Variants in AGO2 observed in about 807,000 individuals in gnomAD.
AGO2 encodes protein argonaute-2.
AGO2 carries 5 observed loss-of-function variants against 102.3 expected under a neutral mutation model. That is an observed-to-expected ratio of 0.05 (90% CI 0.03 to 0.10). The LOEUF (loss-of-function observed/expected upper bound fraction) is 0.10, where lower values mean the gene tolerates loss of function less well. Among genes scored for constraint, AGO2 ranks in the 10% least tolerant of loss-of-function variants. The pLI is 1.00. For synonymous variants in AGO2, 449 were observed against 473.1 expected, an observed-to-expected ratio of 0.95 and a Z score of 0.66; for missense variants, 541 against 1,183.7, an observed-to-expected ratio of 0.46 and a Z score of 7.97.
intron 3 of AGO2, among the ~76,000 whole-genome samples, chr8:140,565,197 T>C (rs2132953247): frequency 6.6e-6 from 1 of 151,944 alleles, no homozygotes; most frequent in East Asian, 1.9e-4. Context: ...CCCAGCACTT[T>C]GGGAGGCTGA....
At position 140,549,195 on chromosome 8, in the gene AGO2, G is replaced by T; in HGVS notation, c.1507C>A (p.Pro503Thr). ...KYAQGADSVE[P>T]MFRHLKNTYA... ...GTGTTCTTCAGGTGCCGGAACATGG[G>T]CTCCACGCTGTCCGCCCCCTGCGCG... The change falls in exon 12 of 19, where the codon CCC becomes ACC. Residue 503 changes from proline (P) to threonine (T), a missense_variant. By Grantham distance (38) the Pro-to-Thr change is conservative (BLOSUM62 -1). Coordinates refer to ENST00000220592, the MANE Select transcript of AGO2 (RefSeq NM_012154.5). 6.2e-7 allele frequency: 1 copy of T among 1,613,790 alleles called. No individual in the cohort carries two copies. Among genetic ancestry groups the T allele is most frequent in the Non-Finnish European group, 8.5e-7 (1 of 1,179,954 alleles).
rs1194181977 is a variant in AGO2 at position 140,585,087 on chromosome 8, T to C, written c.215+32A>G. On this transcript the variant is annotated intron_variant, in intron 2 of 18. Coordinates refer to ENST00000220592, the MANE Select transcript of AGO2 (RefSeq NM_012154.5). The stretch of plus-strand genomic sequence containing the variant: ...TGCCGTGTCTGTCCGCGCAGACCAC[T>C]TACACAGGTCATGAAGGATGAAACG... 6 of 1,601,140 alleles carry C rather than the reference T, an allele frequency of 3.7e-6. No homozygotes were observed. The Admixed American group carries it at 5.0e-5, about 13-fold the overall frequency.
chr8:140,636,567 T>C (rs1289839012), upstream of AGO2: 2 of 152,298 alleles, frequency 1.3e-5, no homozygotes, highest in Non-Finnish European at 2.9e-5. Context: ...GCATCGGCTG[T>C]CTGCATATGG....
At chr8:140,553,272 A>G (rs899690100) in intron 10 of AGO2, among the ~76,000 whole-genome samples, 1 of 151,946 alleles carries the variant, frequency 6.6e-6, no homozygotes, top group Non-Finnish European at 1.5e-5. Flanking sequence ...TGGTCCCAGC[A>G]ATTCGAGAGG....
At chr8:140,586,871 C>T (rs78796470) in intron 1 of AGO2, among the ~76,000 whole-genome samples, 3,141 of 152,234 alleles carry the variant, frequency 0.021, 74 homozygotes, top group East Asian at 0.068. Context: ...ATTTCAGGGT[C>T]GGGCACGCTC....
chr8:140,541,715 C>T (rs940919851), intron 14 of AGO2, among the ~76,000 whole-genome samples: 1 of 152,150 alleles, frequency 6.6e-6, no homozygotes, highest in Middle Eastern at 3.4e-3. Flanking sequence ...CCAGCCTGGC[C>T]AACATGGTAA....
chr8:140,630,797 G>A (rs548177761), intron 1 of AGO2, among the ~76,000 whole-genome samples: 1 of 152,316 alleles, frequency 6.6e-6, no homozygotes, highest in East Asian at 1.9e-4. Flanking sequence ...ACCACAAAAA[G>A]GATTCTGCTG....
chr8:140,611,326 C>CTT (rs1483276540), intron 1 of AGO2, among the ~76,000 whole-genome samples: 1 of 130,842 alleles, frequency 7.6e-6, no homozygotes, highest in African/African-American at 2.6e-5. Context: ...ACTCTTAAGC[C>CTT]TTTGTTTTTT....
intron 2 of AGO2, among the ~76,000 whole-genome samples, chr8:140,582,998 C>T (rs1195694562): frequency 2.0e-5 from 3 of 152,156 alleles, no homozygotes; most frequent in Admixed American, 2.0e-4. Flanking sequence ...GAGGAGACTG[C>T]GTGTTAGTCA....
At chr8:140,616,192 C>T (rs2074141121) in intron 1 of AGO2, among the ~76,000 whole-genome samples, 1 of 152,214 alleles carries the variant, frequency 6.6e-6, no homozygotes, top group Non-Finnish European at 1.5e-5. Context: ...CCCATCTGTA[C>T]CCTGCTTTAT....
chr8:140,605,286 A>G (rs79972370), intron 1 of AGO2, among the ~76,000 whole-genome samples: 1 of 152,158 alleles, frequency 6.6e-6, no homozygotes, highest in African/African-American at 2.4e-5. Flanking sequence ...CGGTAGAGAC[A>G]GGGTTTCACC....
chr8:140,562,187 C>T (rs1452072449), intron 4 of AGO2, among the ~76,000 whole-genome samples: 1 of 152,238 alleles, frequency 6.6e-6, no homozygotes, highest in Non-Finnish European at 1.5e-5. Flanking sequence ...GTGCAGAGGG[C>T]TGCGCGGAAC....
chr8:140,555,812 G>T, intron 10 of AGO2, 84 bp downstream of exon 10: 1 of 1,510,348 alleles, frequency 6.6e-7, no homozygotes. Context: ...AGTCTACACC[G>T]CGGGCGATAG....
At position 140,521,560 on chromosome 8, in the gene AGO2, G is replaced by A. The variant is rs533516548; in HGVS notation, c.*10484C>T. 1 of 152,268 alleles carries A rather than the reference G, an allele frequency of 6.6e-6. No homozygotes were observed. Among genetic ancestry groups the A allele is most frequent in the South Asian group, 2.1e-4 (1 of 4,824 alleles). 9.4% of individuals were successfully genotyped at this position (152,268 alleles called of 1,614,324 possible). On this transcript the variant is annotated 3_prime_UTR_variant, in exon 19 of 19. Coordinates refer to ENST00000220592, the MANE Select transcript of AGO2 (RefSeq NM_012154.5). ...CCAAAGAATTAAGTAAAAAAAGATCGCCATAGTAGGAAAAGTCTAGAATTG... is the reference window on the plus strand; with the variant it reads ...CCAAAGAATTAAGTAAAAAAAGATCACCATAGTAGGAAAAGTCTAGAATTG...
rs2072547799 is a variant in AGO2 at position 140,529,051 on chromosome 8, GT to G, written c.*2992del. The G allele has an allele frequency of 6.6e-6, 1 of 152,196 alleles. No individual in the cohort carries two copies. Among genetic ancestry groups the G allele is most frequent in the African/African-American group, 2.4e-5 (1 of 41,442 alleles). The allele number at this position is 152,196 out of a possible 1,614,324, so 9.4% of individuals were successfully genotyped here. A position where few individuals can be genotyped will look rare whatever the true frequency, so the allele number is the denominator to read the frequency against. On this transcript the variant is annotated 3_prime_UTR_variant, in exon 19 of 19. Transcript: ENST00000220592. ...TTTAAAGAGATGAGATAAAATCCCA[GT>G]TTTTCTTTTAAACAAACCCAGACTT...
At chr8:140,619,017 G>A (rs935220615) in intron 1 of AGO2, among the ~76,000 whole-genome samples, 10 of 152,002 alleles carry the variant, frequency 6.6e-5, no homozygotes, top group South Asian at 2.1e-4. Context: ...GAAACCCCAC[G>A]GCGGCATGAT....
intron 1 of AGO2, among the ~76,000 whole-genome samples, chr8:140,630,380 C>G (rs1053864694): frequency 6.6e-6 from 1 of 152,216 alleles, no homozygotes; most frequent in African/African-American, 2.4e-5. Context: ...GGGTGCAGCT[C>G]TATGGAGACA....
intron 1 of AGO2, among the ~76,000 whole-genome samples, chr8:140,596,829 C>T (rs892365575): frequency 6.6e-6 from 1 of 152,112 alleles, no homozygotes; most frequent in South Asian, 2.1e-4. Flanking sequence ...GGGTGGGGGA[C>T]GGGCCCACGT....
intron 1 of AGO2, among the ~76,000 whole-genome samples, chr8:140,611,095 C>A (rs1312009295): frequency 6.6e-6 from 1 of 152,134 alleles, no homozygotes; most frequent in South Asian, 2.1e-4. Context: ...TCAGGGAGGT[C>A]CCCAGGGCCA....
Sources: allele counts gnomAD v4.1 joint callset (sites outside exome capture counted in the v4.1 genomes callset), GRCh38; gene constraint gnomAD v4.1.1; transcripts MANE v1.5; gene names NCBI Gene and HGNC (gene_info 2026-07-23, HGNC 2026-07-21).